The following FRAS1 variants were observed in gnomAD, a reference collection of about 807,000 sequenced individuals.
FRAS1 encodes the protein Fraser extracellular matrix complex subunit 1, also known as extracellular matrix organizing protein FRAS1.
Under a neutral mutation model 435.2 loss-of-function variants are expected in FRAS1, and 290 were observed. The observed-to-expected ratio is 0.67, with a 90% confidence interval of 0.61 to 0.73. The LOEUF is 0.73. Among genes scored for constraint, FRAS1 ranks in the 30% least tolerant of loss-of-function variants. FRAS1 has a pLI of 0.00. For missense variants in FRAS1, 4,860 were observed against 5,001.5 expected, an observed-to-expected ratio of 0.97 and a Z score of 0.85; for synonymous variants, 1,800 against 1,851.0, an observed-to-expected ratio of 0.97 and a Z score of 0.71.
chr4:78,275,640 G>A lies in FRAS1; in HGVS notation c.982-3015G>A, dbSNP rs138275430. ...TTTTCTTTAAGAATGTTGAAAATTG[G>A]CCCCCACTCTCTTCTGGCTTGTATA... On this transcript the variant is annotated intron_variant, in intron 9 of 73. Coordinates refer to ENST00000512123, the MANE Select transcript of FRAS1 (RefSeq NM_025074.7). 2.6e-5 allele frequency among the ~76,000 whole-genome samples: 4 copies of A among 152,174 alleles called. No homozygotes were observed. In the East Asian group the frequency reaches 5.8e-4, roughly 22 times the overall value.
rs548466144 is a variant in FRAS1, at chr4:78,193,068, T to G, written c.109-44442T>G. Among the ~76,000 whole-genome samples the G allele has an allele frequency of 2.0e-5, 3 of 152,320 alleles. No individual in the cohort carries two copies. The South Asian group carries it at 6.2e-4, about 32-fold the overall frequency. ...TCAGGAGCAGGTTATTTATTTTCCA[T>G]GTAGTTGAGCGGTTTTGAGTGAGTG... is the stretch of plus-strand genomic sequence containing the variant. On this transcript the variant is annotated intron_variant, in intron 2 of 73. Transcript: ENST00000512123.
chr4:78,060,394 T>C (rs1482462520), intron 1 of FRAS1, among the ~76,000 whole-genome samples: 1 of 152,224 alleles, frequency 6.6e-6, no homozygotes, highest in Non-Finnish European at 1.5e-5. Context: ...TGATGGGATG[T>C]ACCTTGTGAC....
chr4:78,399,787 T>A (rs1477730718), intron 29 of FRAS1, among the ~76,000 whole-genome samples: 1 of 152,168 alleles, frequency 6.6e-6, no homozygotes, highest in East Asian at 1.9e-4. Flanking sequence ...TCATTTTCTC[T>A]CCCCTGAGCC....
chr4:78,152,147 T>C (rs1309066857), intron 2 of FRAS1, among the ~76,000 whole-genome samples: 2 of 152,164 alleles, frequency 1.3e-5, no homozygotes, highest in African/African-American at 2.4e-5. Context: ...ATGCTGTATT[T>C]TAGGAAAATA....
intron 18 of FRAS1, among the ~76,000 whole-genome samples, chr4:78,330,213 G>A (rs1014803312): frequency 2.6e-5 from 4 of 152,132 alleles, no homozygotes; most frequent in African/African-American, 9.7e-5. Flanking sequence ...AACATAAATT[G>A]TGAAGATTTC....
chr4:78,230,803 G>C (rs576736727), intron 2 of FRAS1, among the ~76,000 whole-genome samples: 16 of 152,250 alleles, frequency 1.1e-4, no homozygotes, highest in Middle Eastern at 3.4e-3. Flanking sequence ...AGGAAATTTA[G>C]ATAAATTGCT....
At chr4:78,336,716 G>C (rs887078803) in intron 19 of FRAS1, among the ~76,000 whole-genome samples, 1 of 151,556 alleles carries the variant, frequency 6.6e-6, no homozygotes, top group African/African-American at 2.4e-5. Flanking sequence ...CTTGAAATCT[G>C]TGCCTTTGCT....
intron 10 of FRAS1, among the ~76,000 whole-genome samples, chr4:78,280,396 T>C (rs1455605885): frequency 6.6e-6 from 1 of 152,132 alleles, no homozygotes; most frequent in Non-Finnish European, 1.5e-5. Flanking sequence ...GCAGGACAAC[T>C]TGAGATTTTT....
intron 47 of FRAS1, among the ~76,000 whole-genome samples, chr4:78,453,976 C>A (rs1193765298): frequency 6.6e-6 from 1 of 152,090 alleles, no homozygotes; most frequent in African/African-American, 2.4e-5. Flanking sequence ...ATTGTACTCA[C>A]TTTCTAATGC....
At chr4:78,508,361 T>C (rs982601981) in intron 62 of FRAS1, among the ~76,000 whole-genome samples, 3 of 152,256 alleles carry the variant, frequency 2.0e-5, no homozygotes, top group African/African-American at 7.2e-5. Flanking sequence ...TTTTGCCAAA[T>C]GTTCTACTAT....
At chr4:78,520,697 T>A (rs1282274603) in intron 67 of FRAS1, among the ~76,000 whole-genome samples, 1 of 152,230 alleles carries the variant, frequency 6.6e-6, no homozygotes. Flanking sequence ...AAAATCTATA[T>A]GTTTAGTGCA....
chr4:78,289,668 C>T (rs1160999223), intron 14 of FRAS1, among the ~76,000 whole-genome samples: 1 of 152,162 alleles, frequency 6.6e-6, no homozygotes, highest in Non-Finnish European at 1.5e-5. Flanking sequence ...CATCCTACCC[C>T]ACTCTTCTTG....
intron 47 of FRAS1, among the ~76,000 whole-genome samples, chr4:78,458,103 C>G (rs1050350506): frequency 6.6e-6 from 1 of 152,190 alleles, no homozygotes; most frequent in Non-Finnish European, 1.5e-5. Context: ...GACTCAGCCA[C>G]CTCCATAAAT....
At position 78,247,927 on chromosome 4, in the gene FRAS1, T is replaced by G. The variant is rs559398553; in HGVS notation, c.309+2602T>G. Among the ~76,000 whole-genome samples, 402 of 152,220 alleles carry G rather than the reference T, an allele frequency of 2.6e-3. 2 individuals are homozygous for G. Among genetic ancestry groups the G allele is most frequent in the African/African-American group, 9.4e-3 (389 of 41,558 alleles). On this transcript the variant is annotated intron_variant, in intron 4 of 73. Transcript: ENST00000512123. Reference sequence around the variant, plus strand: ...TTCGGTGTGGCAGGAGGGGAGGCAGTTGAAGTGATACTGTCCCCGGAGAAT... The same window carrying G: ...TTCGGTGTGGCAGGAGGGGAGGCAGGTGAAGTGATACTGTCCCCGGAGAAT...
chr4:78,122,008 G>C (rs1719058248), intron 2 of FRAS1, among the ~76,000 whole-genome samples: 1 of 152,018 alleles, frequency 6.6e-6, no homozygotes, highest in Admixed American at 6.6e-5. Flanking sequence ...TTTAAGTTCT[G>C]GGTTACATGT....
chr4:78,235,940 C>T (rs985958039), intron 2 of FRAS1, among the ~76,000 whole-genome samples: 2 of 151,982 alleles, frequency 1.3e-5, no homozygotes, highest in African/African-American at 4.8e-5. Context: ...ACAGTGAGAC[C>T]CTGTTACAAA....
At chr4:78,122,818 G>C (rs937341068) in intron 2 of FRAS1, among the ~76,000 whole-genome samples, 2 of 152,100 alleles carry the variant, frequency 1.3e-5, no homozygotes, top group Non-Finnish European at 2.9e-5. Flanking sequence ...ATTTTTGATG[G>C]AGTTGTTTGC....
chr4:78,267,224 T>G lies in FRAS1; in HGVS notation c.790-17T>G. The stretch of plus-strand genomic sequence containing the variant: ...GTCTCCTGAGGACTGCCCCTCACCT[T>G]CCTCTCTGTGTCCTAGGGTCAGAGC... On this transcript the variant is annotated splice_polypyrimidine_tract_variant and intron_variant, in intron 8 of 73. Coordinates refer to ENST00000512123, the MANE Select transcript of FRAS1 (RefSeq NM_025074.7). 1.2e-6 allele frequency: 2 copies of G among 1,611,914 alleles called. No individual in the cohort carries two copies. The highest frequency in any genetic ancestry group is 1.7e-6 in the Non-Finnish European group (2 of 1,178,932).
chr4:78,514,852 A>G (rs1259545506), intron 65 of FRAS1, among the ~76,000 whole-genome samples: 1 of 151,990 alleles, frequency 6.6e-6, no homozygotes, highest in Non-Finnish European at 1.5e-5. Context: ...GGATTGCCTG[A>G]GCTTAGGAGT....
Sources: gnomAD v4.1 joint callset for allele counts (sites outside exome capture counted in the v4.1 genomes callset) on GRCh38, gnomAD v4.1.1 for gene constraint, MANE v1.5 for transcripts, NCBI Gene and HGNC (gene_info 2026-07-23, HGNC 2026-07-21) for gene names.